Variants in ASIC2 observed in about 807,000 individuals in gnomAD.
ASIC2 encodes acid sensing ion channel subunit 2.
ASIC2 carries 25 observed loss-of-function variants against 57.3 expected under a neutral mutation model. The observed-to-expected ratio is 0.44, with a 90% CI of 0.32 to 0.61. The LOEUF (loss-of-function observed/expected upper bound fraction) is 0.61, where lower values mean the gene tolerates loss of function less well. Ranked by LOEUF, ASIC2 falls within the 20% of genes least tolerant of loss-of-function variation. The pLI is 0.06. For missense variants in ASIC2, 641 were observed against 738.1 expected (o/e 0.87, Z 1.52); for synonymous variants, 319 against 307.5 (o/e 1.04, Z -0.39).
At chr17:33,446,243 A>G (rs1912014083) in intron 1 of ASIC2, among the ~76,000 whole-genome samples, 1 of 152,138 alleles carries the variant, frequency 6.6e-6, no homozygotes, top group Admixed American at 6.5e-5. Flanking sequence ...GAAAAGCATC[A>G]TCTGAATTTT....
chr17:33,067,359 T>C (rs373467618), intron 3 of ASIC2, among the ~76,000 whole-genome samples: 1 of 151,902 alleles, frequency 6.6e-6, no homozygotes, highest in Non-Finnish European at 1.5e-5. Flanking sequence ...TGGAAGGAAG[T>C]GTTGGATTTG....
chr17:33,246,979 G>C (rs985667177), intron 1 of ASIC2, among the ~76,000 whole-genome samples: 17 of 152,164 alleles, frequency 1.1e-4, no homozygotes, highest in Non-Finnish European at 5.9e-5. Flanking sequence ...AATTGGATTT[G>C]AAAAAAGATG....
At chr17:34,061,315 A>G (rs985455288) in intron 1 of ASIC2, among the ~76,000 whole-genome samples, 2 of 152,224 alleles carry the variant, frequency 1.3e-5, no homozygotes, top group African/African-American at 4.8e-5. Context: ...ATTTGCCATT[A>G]CCAAGCCACC....
intron 1 of ASIC2, among the ~76,000 whole-genome samples, chr17:33,449,999 C>T (rs1195863413): frequency 2.0e-5 from 3 of 152,122 alleles, no homozygotes; most frequent in Non-Finnish European, 4.4e-5. Flanking sequence ...AACTCCTGAC[C>T]TCAAGTGATC....
chr17:34,087,267 T>A (rs1910145680), intron 1 of ASIC2, among the ~76,000 whole-genome samples: 1 of 152,190 alleles, frequency 6.6e-6, no homozygotes, highest in Non-Finnish European at 1.5e-5. Flanking sequence ...TTTGCTTGTC[T>A]GTAAAGTATT....
intron 1 of ASIC2, among the ~76,000 whole-genome samples, chr17:33,236,507 C>G (rs1399198720): frequency 6.6e-6 from 1 of 152,042 alleles, no homozygotes; most frequent in African/African-American, 2.4e-5. Flanking sequence ...CTACACCCAG[C>G]TAATTTTTGT....
chr17:33,991,762 A>G (rs536950151), intron 1 of ASIC2, among the ~76,000 whole-genome samples: 1 of 152,320 alleles, frequency 6.6e-6, no homozygotes, highest in East Asian at 1.9e-4. Flanking sequence ...GTGGGGGCAG[A>G]TTTGGTTTTT....
At chr17:33,428,695 G>T (rs1191659376) in intron 1 of ASIC2, among the ~76,000 whole-genome samples, 1 of 152,144 alleles carries the variant, frequency 6.6e-6, no homozygotes, top group Non-Finnish European at 1.5e-5. Context: ...AACCCTCCCT[G>T]CAGTCCTCCA....
Position 33,447,169 on chromosome 17 carries a change from C to A in ASIC2, c.556-335102G>T, listed in dbSNP as rs535723002. ...GTCCTGGTACATGAGTGCCCGGGAT[C>A]CGGGAAATGTTGATTACATGTAGTT... is the stretch of plus-strand genomic sequence containing the variant. On this transcript the variant is annotated intron_variant, in intron 1 of 9. Coordinates refer to the ASIC2 transcript ENST00000359872. Among the ~76,000 whole-genome samples the A allele has an allele frequency of 9.2e-5, 14 of 152,212 alleles. No individual in the cohort carries two copies. In the South Asian group the frequency reaches 1.7e-3, roughly 18 times the overall value.
At chr17:33,598,488 T>C (rs1905040571) in intron 1 of ASIC2, among the ~76,000 whole-genome samples, 2 of 152,092 alleles carry the variant, frequency 1.3e-5, no homozygotes, top group East Asian at 1.9e-4. Context: ...GTGCATGAAA[T>C]TGAAGGGTGG....
chr17:33,388,535 G>A (rs1272177366), intron 1 of ASIC2, among the ~76,000 whole-genome samples: 1 of 152,172 alleles, frequency 6.6e-6, no homozygotes. Flanking sequence ...CTTCTCATGT[G>A]TGCATATTCA....
intron 1 of ASIC2, among the ~76,000 whole-genome samples, chr17:33,923,301 A>G (rs886796639): frequency 2.6e-5 from 4 of 152,196 alleles, no homozygotes; most frequent in Admixed American, 2.0e-4. Context: ...AGCTTGAGAA[A>G]TATTTGCCGT....
chr17:33,134,252 A>C (rs2092358943), intron 1 of ASIC2, among the ~76,000 whole-genome samples: 1 of 152,232 alleles, frequency 6.6e-6, no homozygotes, highest in Non-Finnish European at 1.5e-5. Context: ...TGTCCAAGGT[A>C]GAGCTGGGAT....
chr17:34,058,657 T>C (rs954847826), intron 1 of ASIC2, among the ~76,000 whole-genome samples: 6 of 152,030 alleles, frequency 3.9e-5, no homozygotes, highest in Non-Finnish European at 8.8e-5. Flanking sequence ...GGGAAATGTA[T>C]TAGCATTTCC....
chr17:33,435,072 A>G (rs572034730), intron 1 of ASIC2, among the ~76,000 whole-genome samples: 3 of 152,240 alleles, frequency 2.0e-5, no homozygotes, highest in Non-Finnish European at 4.4e-5. Context: ...ACAGAGATAC[A>G]GACATACTAG....
rs1598247739 is a variant in ASIC2 at position 33,039,362 on chromosome 17, C to T, written c.988-10970G>A. On this transcript the variant is annotated intron_variant, in intron 3 of 9. Coordinates refer to ENST00000225823, the MANE Select transcript of ASIC2 (RefSeq NM_183377.2). ...TGGCCTGGCCTCCTCCCTTTCCTCA[C>T]TGACCCGTGTGTCTGAGATCCTGGC... Among the ~76,000 whole-genome samples, 3 of 152,320 alleles carry T rather than the reference C, an allele frequency of 2.0e-5. 1 individual carries two copies. The South Asian group carries it at 6.2e-4, about 32-fold the overall frequency.
intron 1 of ASIC2, among the ~76,000 whole-genome samples, chr17:33,898,527 C>T (rs1915159339): frequency 6.6e-6 from 1 of 152,074 alleles, no homozygotes; most frequent in Non-Finnish European, 1.5e-5. Context: ...TGAGCCACCA[C>T]CCCTGACCTC....
intron 1 of ASIC2, chr17:34,003,824 C>G (rs1906428067): frequency 6.6e-6 from 1 of 152,216 alleles, no homozygotes; most frequent in African/African-American, 2.4e-5. Context: ...TCAGATCTAT[C>G]CTGTGTCCTC....
chr17:33,336,389 T>TA (rs397821792), intron 1 of ASIC2, among the ~76,000 whole-genome samples: 2 of 151,924 alleles, frequency 1.3e-5, no homozygotes, highest in Non-Finnish European at 2.9e-5. Flanking sequence ...GATTTTTTTT[T>TA]AAAGTACTGC....
Sources: allele counts gnomAD v4.1 joint callset (sites outside exome capture counted in the v4.1 genomes callset), GRCh38; gene constraint gnomAD v4.1.1; transcripts MANE v1.5; gene names NCBI Gene and HGNC (gene_info 2026-07-23, HGNC 2026-07-21).